SEPHS1: variants seen among roughly 807,000 people sequenced by gnomAD.
SEPHS1 encodes the protein zincore component SEPHS1.
In SEPHS1, 7 loss-of-function variants were observed where a neutral mutation model predicts 39.2. The observed-to-expected ratio is 0.18, with a 90% CI of 0.10 to 0.34. The LOEUF (loss-of-function observed/expected upper bound fraction) is 0.34. Ranked by LOEUF, SEPHS1 falls within the 10% of genes least tolerant of loss-of-function variation. SEPHS1 has a pLI of 1.00. For synonymous variants in SEPHS1, 190 were observed against 195.5 expected, an observed-to-expected ratio of 0.97 and a Z score of 0.23; for missense variants, 253 against 514.5, an observed-to-expected ratio of 0.49 and a Z score of 4.92.
intron 5 of SEPHS1, among the ~76,000 whole-genome samples, chr10:13,333,441 T>C (rs1833528563): frequency 6.6e-6 from 1 of 150,628 alleles, no homozygotes; most frequent in Non-Finnish European, 1.5e-5. Context: ...CCTTGCGTTC[T>C]TGTCTTTTTT....
chr10:13,326,717 C>T (rs910902065), intron 7 of SEPHS1, among the ~76,000 whole-genome samples: 7 of 151,928 alleles, frequency 4.6e-5, no homozygotes, highest in African/African-American at 1.5e-4. Context: ...GCTAAAGAGA[C>T]GAGATGGGGT....
intron 6 of SEPHS1, 59 bp downstream of exon 6, chr10:13,329,639 A>G: frequency 7.4e-7 from 1 of 1,358,916 alleles, no homozygotes; most frequent in Non-Finnish European, 1.0e-6. Context: ...ATCCTCCAAC[A>G]AAAATTACCT....
At chr10:13,339,725 A>C (rs1164050787) in intron 2 of SEPHS1, among the ~76,000 whole-genome samples, 1 of 152,136 alleles carries the variant, frequency 6.6e-6, no homozygotes, top group Non-Finnish European at 1.5e-5. Flanking sequence ...ACCTACACAC[A>C]TCTTCTCACA....
chr10:13,322,625 C>T (rs1588532274), intron 8 of SEPHS1, among the ~76,000 whole-genome samples: 1 of 152,228 alleles, frequency 6.6e-6, no homozygotes, highest in African/African-American at 2.4e-5. Context: ...GCACAGGCCA[C>T]TCAACCTCAG....
intron 2 of SEPHS1, among the ~76,000 whole-genome samples, chr10:13,339,920 A>T (rs1202202532): frequency 6.6e-6 from 1 of 152,188 alleles, no homozygotes; most frequent in African/African-American, 2.4e-5. Context: ...ATCCCCCACG[A>T]GGATTCTGCA....
intron 7 of SEPHS1, among the ~76,000 whole-genome samples, chr10:13,326,473 CAA>C (rs34250326): frequency 1.2e-3 from 163 of 131,280 alleles, no homozygotes; most frequent in South Asian, 3.8e-3. Flanking sequence ...AACTCCATCT[CAA>C]AAAAAAAAAA....
intron 7 of SEPHS1, among the ~76,000 whole-genome samples, chr10:13,324,031 C>G (rs183968112): frequency 6.6e-6 from 1 of 151,998 alleles, no homozygotes; most frequent in African/African-American, 2.4e-5. Context: ...AGCAGTTTTG[C>G]GTTTAGAAAG....
chr10:13,331,961 C>T (rs1005299784), intron 5 of SEPHS1, among the ~76,000 whole-genome samples: 4 of 152,206 alleles, frequency 2.6e-5, no homozygotes, highest in African/African-American at 7.2e-5. Context: ...CGTAAAATGG[C>T]GCAGCCATGT....
intron 7 of SEPHS1, among the ~76,000 whole-genome samples, chr10:13,327,721 G>A (rs1033500693): frequency 6.6e-6 from 1 of 152,184 alleles, no homozygotes; most frequent in Non-Finnish European, 1.5e-5. Flanking sequence ...CTGGGCCAAG[G>A]AAGTCCATAG....
chr10:13,319,462 C>G, intron 8 of SEPHS1, 106 bp from the exon 9 acceptor site: 1 of 1,136,504 alleles, frequency 8.8e-7, no homozygotes, highest in Non-Finnish European at 1.3e-6. Flanking sequence ...TTGCTGCCAC[C>G]TATATGCAAG....
chr10:13,330,831 TTTTTTAAA>T (rs142642465), intron 5 of SEPHS1, among the ~76,000 whole-genome samples: 60,074 of 149,308 alleles, frequency 0.4, 13,223 homozygotes, highest in East Asian at 0.68. Flanking sequence ...GATGTTCTTT[TTTTTTAAA>T]TTTTTTAAAA....
intron 1 of SEPHS1, among the ~76,000 whole-genome samples, chr10:13,347,741 CGCT>C (rs1833970740): frequency 6.9e-6 from 1 of 145,972 alleles, no homozygotes; most frequent in Non-Finnish European, 1.5e-5. Flanking sequence ...CCCTCCCCTC[CGCT>C]CCTCCCCGCC....
chr10:13,324,245 C>A (rs1376515986), intron 7 of SEPHS1, among the ~76,000 whole-genome samples: 1 of 152,134 alleles, frequency 6.6e-6, no homozygotes, highest in African/African-American at 2.4e-5. Context: ...CACATCTTTT[C>A]ATGGCTTGAT....
chr10:13,319,494 G>T, intron 8 of SEPHS1, 138 bp from the exon 9 acceptor site: 3 of 874,560 alleles, frequency 3.4e-6, no homozygotes, highest in Non-Finnish European at 5.5e-6. Context: ...ATTCAACTAA[G>T]CAGCTTTTTT....
chr10:13,327,581 G>C (rs1833341812), intron 7 of SEPHS1, among the ~76,000 whole-genome samples: 2 of 152,216 alleles, frequency 1.3e-5, no homozygotes, highest in Admixed American at 1.3e-4. Context: ...AATGGGAAGA[G>C]AAGACATATT....
chr10:13,328,590 T>TG (rs1180093399), intron 6 of SEPHS1, 140 bp from the exon 7 acceptor site: 2 of 641,642 alleles, frequency 3.1e-6, no homozygotes, highest in Non-Finnish European at 5.4e-6. Context: ...TTTCCAACTC[T>TG]GGTTTTTCTG....
At chr10:13,344,470 C>T (rs769786392) in intron 2 of SEPHS1, among the ~76,000 whole-genome samples, 15 of 151,918 alleles carry the variant, frequency 9.9e-5, no homozygotes, top group Non-Finnish European at 1.8e-4. Context: ...GTTACAAGAA[C>T]ATAACATAGC....
chr10:13,326,632 C>T (rs1423249259), intron 7 of SEPHS1, among the ~76,000 whole-genome samples: 6 of 151,534 alleles, frequency 4.0e-5, no homozygotes, highest in Non-Finnish European at 8.8e-5. Flanking sequence ...ACTGCAGTCT[C>T]AACATCCTGG....
At chr10:13,329,598 G>A (rs1044403230) in intron 6 of SEPHS1, 100 bp downstream of exon 6, 2 of 816,822 alleles carry the variant, frequency 2.4e-6, no homozygotes, top group Non-Finnish European at 4.1e-6. Flanking sequence ...TTAACTCCCT[G>A]GATATGAAAC....
Sources: gnomAD v4.1 joint callset for allele counts (sites outside exome capture counted in the v4.1 genomes callset) on GRCh38, gnomAD v4.1.1 for gene constraint, MANE v1.5 for transcripts, NCBI Gene and HGNC (gene_info 2026-07-23, HGNC 2026-07-21) for gene names.